DAB2IP: variants seen among roughly 807,000 people sequenced by gnomAD.
DAB2IP encodes the protein disabled homolog 2-interacting protein.
Under a neutral mutation model 107.2 loss-of-function variants are expected in DAB2IP, and 28 were observed. That is an observed-to-expected ratio of 0.26 (90% CI 0.19 to 0.36). DAB2IP has a LOEUF of 0.36. Ranked by LOEUF, DAB2IP falls within the 10% of genes least tolerant of loss-of-function variation. The pLI is 1.00. For synonymous variants in DAB2IP, 755 were observed against 706.4 expected, an observed-to-expected ratio of 1.07 and a Z score of -1.09; for missense variants, 1,400 against 1,644.7, an observed-to-expected ratio of 0.85 and a Z score of 2.57.
At chr9:121,663,806 C>A (rs1248625045) in intron 1 of DAB2IP, among the ~76,000 whole-genome samples, 1 of 152,270 alleles carries the variant, frequency 6.6e-6, no homozygotes, top group African/African-American at 2.4e-5. Flanking sequence ...GGCGCGAACT[C>A]AGCTTCCTGA....
intron 1 of DAB2IP, among the ~76,000 whole-genome samples, chr9:121,603,682 G>A (rs1215185033): frequency 6.6e-6 from 1 of 152,176 alleles, no homozygotes; most frequent in Middle Eastern, 3.2e-3. Context: ...CCACGATCAG[G>A]CTGTGTGATC....
At chr9:121,598,552 C>A (rs940969185) in intron 1 of DAB2IP, 37 of 152,302 alleles carry the variant, frequency 2.4e-4, no homozygotes, top group African/African-American at 8.9e-4. Flanking sequence ...TCCTTCCGCG[C>A]CCTCGCCTGG....
At chr9:121,603,476 G>A (rs576027315) in intron 1 of DAB2IP, among the ~76,000 whole-genome samples, 26 of 152,340 alleles carry the variant, frequency 1.7e-4, no homozygotes, top group Non-Finnish European at 2.8e-4. Flanking sequence ...AAACTGCAGT[G>A]ACGTGTCCAA....
In DAB2IP at chr9:121,776,936, T is replaced by C. The variant is rs148874313; in HGVS notation, c.3314+545T>C. Among the ~76,000 whole-genome samples, 345 of 152,104 alleles carry C rather than the reference T, an allele frequency of 2.3e-3. 2 individuals carry two copies. Among genetic ancestry groups the C allele is most frequent in the African/African-American group, 8.1e-3 (336 of 41,474 alleles). On this transcript the variant is annotated intron_variant, in intron 14 of 15. Transcript: ENST00000408936. The surrounding 1 kb of genome is among the most constrained non-coding windows in gnomAD (Gnocchi z 5.4). The stretch of plus-strand genomic sequence containing the variant: ...AGAGGGGGATGGTGCCAGTCTGATA[T>C]CCTGAGTTTTAAGGGGCCTGGGTTA...
At chr9:121,718,540 TCTC>T (rs1830743092) in intron 3 of DAB2IP, among the ~76,000 whole-genome samples, 1 of 152,266 alleles carries the variant, frequency 6.6e-6, no homozygotes, top group Admixed American at 6.5e-5. Flanking sequence ...CAGGCCCTGG[TCTC>T]CTCTCTTGAC....
At chr9:121,644,146 G>A (rs1203478912) in intron 1 of DAB2IP, among the ~76,000 whole-genome samples, 2 of 151,670 alleles carry the variant, frequency 1.3e-5, no homozygotes, top group African/African-American at 4.9e-5. Flanking sequence ...ATTTCAGCCT[G>A]GGCAACAGAG....
Position 121,633,160 on chromosome 9 carries a change from T to C in DAB2IP, c.41-45518T>C, listed in dbSNP as rs1416276208. Among the ~76,000 whole-genome samples, 1 of 152,204 alleles carries C rather than the reference T, an allele frequency of 6.6e-6. No individual in the cohort carries two copies. Among genetic ancestry groups the C allele is most frequent in the Non-Finnish European group, 1.5e-5 (1 of 68,026 alleles). ...CTCAAATTGTGCACTATTAAACTCCTGAAAAATTCATGAGCACGCTGGGAA... is the reference window on the plus strand; with the variant it reads ...CTCAAATTGTGCACTATTAAACTCCCGAAAAATTCATGAGCACGCTGGGAA... On this transcript the variant is annotated intron_variant, in intron 1 of 16. Coordinates refer to the DAB2IP transcript ENST00000259371. The surrounding 1 kb of genome is among the most constrained non-coding windows in gnomAD (Gnocchi z 5.1).
intron 3 of DAB2IP, among the ~76,000 whole-genome samples, chr9:121,746,192 G>T (rs546254801): frequency 6.6e-6 from 1 of 152,120 alleles, no homozygotes; most frequent in Non-Finnish European, 1.5e-5. Context: ...CAGGAAGGGC[G>T]TGCGGGAAGG....
At chr9:121,657,440 C>T (rs2119079180) in intron 1 of DAB2IP, among the ~76,000 whole-genome samples, 1 of 152,296 alleles carries the variant, frequency 6.6e-6, no homozygotes, top group South Asian at 2.1e-4. Flanking sequence ...TGAATGTGTG[C>T]CCGGCCCCAT....
chr9:121,779,860 GGCTTCT>G (rs1385017225), intron 14 of DAB2IP, among the ~76,000 whole-genome samples: 2 of 152,124 alleles, frequency 1.3e-5, no homozygotes, highest in Non-Finnish European at 2.9e-5. Flanking sequence ...GCTCCTCTCT[GGCTTCT>G]GCCCTGCAAA....
intron 3 of DAB2IP, among the ~76,000 whole-genome samples, chr9:121,743,343 G>T (rs186607930): frequency 3.9e-5 from 6 of 152,266 alleles, no homozygotes; most frequent in Admixed American, 6.5e-5. Context: ...CGTGGACTTT[G>T]AATTTTTACT....
intron 3 of DAB2IP, among the ~76,000 whole-genome samples, chr9:121,713,297 C>T (rs1457257761): frequency 6.6e-6 from 1 of 152,108 alleles, no homozygotes; most frequent in Non-Finnish European, 1.5e-5. Flanking sequence ...AGTATGTTGG[C>T]TGGGGTGGGG....
intron 2 of DAB2IP, among the ~76,000 whole-genome samples, chr9:121,691,680 C>T (rs1167989015): frequency 6.6e-6 from 1 of 152,184 alleles, no homozygotes; most frequent in Non-Finnish European, 1.5e-5. Context: ...AGGACACAGG[C>T]ATAGAAGGTT....
At chr9:121,580,544 G>C (rs919985030) in intron 1 of DAB2IP, among the ~76,000 whole-genome samples, 3 of 152,082 alleles carry the variant, frequency 2.0e-5, no homozygotes, top group Non-Finnish European at 4.4e-5. Context: ...AGGTTGGCCT[G>C]GTGGATGGAG....
Position 121,698,805 on chromosome 9 carries a change from C to G in DAB2IP, c.229-520C>G, listed in dbSNP as rs1272337408. Among the ~76,000 whole-genome samples, 1 of 152,168 alleles carries G rather than the reference C, an allele frequency of 6.6e-6. No individual in the cohort carries two copies. Among genetic ancestry groups the G allele is most frequent in the Non-Finnish European group, 1.5e-5 (1 of 68,022 alleles). ...ACCGAGGGCTGGAGAGCAGCGACCTCGCAGCGGAGGAAGGCGCTTTGTCAA... is the reference window on the plus strand; with the variant it reads ...ACCGAGGGCTGGAGAGCAGCGACCTGGCAGCGGAGGAAGGCGCTTTGTCAA... On this transcript the variant is annotated intron_variant, in intron 2 of 15. Coordinates refer to ENST00000408936, the Ensembl canonical transcript of DAB2IP. This position sits in a 1 kb window ranked among gnomAD's most constrained non-coding sequence, Gnocchi z 4.1.
At chr9:121,766,229 C>A (rs12000667) in intron 8 of DAB2IP, among the ~76,000 whole-genome samples, 4,617 of 152,302 alleles carry the variant, frequency 0.03, 227 homozygotes, top group African/African-American at 0.11. Context: ...TCCTCCCATC[C>A]CACCTGCCCG....
chr9:121,603,512 G>A (rs1368865624), intron 1 of DAB2IP, among the ~76,000 whole-genome samples: 1 of 152,208 alleles, frequency 6.6e-6, no homozygotes, highest in Non-Finnish European at 1.5e-5. Context: ...ATGTGGGCAG[G>A]GGAGGGAGCG....
intron 13 of DAB2IP, among the ~76,000 whole-genome samples, chr9:121,775,582 C>T (rs915141187): frequency 3.3e-5 from 5 of 152,214 alleles, no homozygotes; most frequent in Non-Finnish European, 4.4e-5. Flanking sequence ...ACGCCGCTTC[C>T]CAGCCTCGTC....
At chr9:121,705,364 T>A (rs2118756572) in intron 3 of DAB2IP, among the ~76,000 whole-genome samples, 1 of 152,354 alleles carries the variant, frequency 6.6e-6, no homozygotes. Flanking sequence ...ACAGGTGAAG[T>A]ATTTGGAACA....
Sources: gnomAD v4.1 joint callset for allele counts (sites outside exome capture counted in the v4.1 genomes callset) on GRCh38, gnomAD v4.1.1 for gene constraint, Gnocchi (gnomAD v3.1) non-coding constraint, MANE v1.5 for transcripts, NCBI Gene and HGNC (gene_info 2026-07-23, HGNC 2026-07-21) for gene names.